The following LSAMP variants were observed in gnomAD, a reference collection of about 807,000 sequenced individuals.
LSAMP encodes the protein limbic system-associated membrane protein.
Under a neutral mutation model 38.6 loss-of-function variants are expected in LSAMP, and 7 were observed. The ratio of observed to expected loss-of-function variants is 0.18; its 90% confidence interval spans 0.10 to 0.34. LSAMP has a LOEUF of 0.34. Among genes scored for constraint, LSAMP ranks in the 10% least tolerant of loss-of-function variants. The probability of loss-of-function intolerance (pLI) is 1.00; values close to 1 mark genes in which losing one functional copy is unlikely to be tolerated. For missense variants in LSAMP, 313 were observed against 420.0 expected, an observed-to-expected ratio of 0.75 and a Z score of 2.23; for synonymous variants, 154 against 166.8, an observed-to-expected ratio of 0.92 and a Z score of 0.59.
At chr3:115,951,560 A>G (rs573347665) in intron 3 of LSAMP, among the ~76,000 whole-genome samples, 1 of 152,286 alleles carries the variant, frequency 6.6e-6, no homozygotes, top group African/African-American at 2.4e-5. Context: ...CATTTGAGTC[A>G]GTGGACTGGG....
intron 3 of LSAMP, among the ~76,000 whole-genome samples, chr3:116,012,626 G>T (rs1940362707): frequency 6.6e-6 from 1 of 152,080 alleles, no homozygotes; most frequent in South Asian, 2.1e-4. Context: ...TGTAATATAA[G>T]ATGTAAAATA....
chr3:116,222,121 G>T (rs1290002152), intron 1 of LSAMP, among the ~76,000 whole-genome samples: 1 of 151,928 alleles, frequency 6.6e-6, no homozygotes, highest in Non-Finnish European at 1.5e-5. Flanking sequence ...ACTGATCCGG[G>T]TTCTAATCCT....
At chr3:116,429,542 A>G (rs1468388989) in intron 1 of LSAMP, among the ~76,000 whole-genome samples, 1 of 152,238 alleles carries the variant, frequency 6.6e-6, no homozygotes, top group Non-Finnish European at 1.5e-5. Context: ...ACACAAACAA[A>G]GCATTCCTCA....
intron 3 of LSAMP, among the ~76,000 whole-genome samples, chr3:115,989,140 T>C (rs1487533385): frequency 6.6e-6 from 1 of 151,876 alleles, no homozygotes; most frequent in African/African-American, 2.4e-5. Flanking sequence ...AAGCAATTCA[T>C]AGAAGAGAAG....
rs913228641 is a variant in LSAMP at position 116,061,221 on chromosome 3, T to A, written c.388+25103A>T. Among the ~76,000 whole-genome samples, 4 of 152,178 alleles carry A rather than the reference T, an allele frequency of 2.6e-5. No homozygotes were observed. In the South Asian group the frequency reaches 8.3e-4, roughly 32 times the overall value. ...AGTAAATAGCTAGTCATTAGCAGAG[T>A]CAGCATTTGAATCCAGGTCTCTCTG... is the stretch of plus-strand genomic sequence containing the variant. On this transcript the variant is annotated intron_variant, in intron 2 of 6. Transcript: ENST00000490035.
chr3:116,245,840 C>T (rs765097823), intron 1 of LSAMP, among the ~76,000 whole-genome samples: 4 of 152,052 alleles, frequency 2.6e-5, no homozygotes, highest in Non-Finnish European at 4.4e-5. Context: ...ATGGGATGTA[C>T]TTCAGAAATA....
chr3:116,262,065 C>A (rs565071246), intron 1 of LSAMP, among the ~76,000 whole-genome samples: 2 of 152,034 alleles, frequency 1.3e-5, no homozygotes, highest in East Asian at 1.9e-4. Context: ...CCTAATGGAG[C>A]CCCTTCTTTA....
In LSAMP at chr3:115,839,278, C is replaced by CTTCA. The variant is rs1559844726; in HGVS notation, c.919+2566_919+2567insTGAA. ...CCTTCTTTCTTTCCTTCCTTCCTTC[C>CTTCA]TTCCTTCCTTCCTTCCTTCCTTCCT... On this transcript the variant is annotated intron_variant, in intron 6 of 6. Transcript: ENST00000490035. Among the ~76,000 whole-genome samples the CTTCA allele has an allele frequency of 3.3e-5, 4 of 121,734 alleles. No individual in the cohort carries two copies. In the South Asian group the frequency reaches 1.1e-3, roughly 32 times the overall value. The allele number at this position is 121,734 out of a possible 152,430, so 79.9% of individuals were successfully genotyped here.
chr3:116,217,446 G>A (rs894055383), intron 1 of LSAMP, among the ~76,000 whole-genome samples: 4 of 152,174 alleles, frequency 2.6e-5, no homozygotes, highest in African/African-American at 9.7e-5. Flanking sequence ...CCAGTTTCAT[G>A]GTTTGTTTAC....
At chr3:115,903,422 T>C (rs548886035) in intron 3 of LSAMP, among the ~76,000 whole-genome samples, 2 of 152,132 alleles carry the variant, frequency 1.3e-5, no homozygotes, top group African/African-American at 4.8e-5. Flanking sequence ...AAGTAATCTG[T>C]ACAACAAACC....
intron 1 of LSAMP, among the ~76,000 whole-genome samples, chr3:116,409,750 G>C (rs1024921839): frequency 1.3e-5 from 2 of 152,034 alleles, no homozygotes; most frequent in African/African-American, 4.8e-5. Flanking sequence ...ATTAAACAGT[G>C]GGACATTAAC....
At chr3:116,160,514 A>G (rs1709863582) in intron 1 of LSAMP, among the ~76,000 whole-genome samples, 1 of 151,684 alleles carries the variant, frequency 6.6e-6, no homozygotes, top group Non-Finnish European at 1.5e-5. Context: ...GGAGAGGAAA[A>G]GAGAAGAGGA....
intron 1 of LSAMP, among the ~76,000 whole-genome samples, chr3:116,090,694 G>A (rs1708103016): frequency 6.6e-6 from 1 of 152,148 alleles, no homozygotes; most frequent in African/African-American, 2.4e-5. Context: ...AAAGCTGGGT[G>A]TCCAGGGGAG....
At chr3:116,435,428 C>G (rs2049336709) in intron 1 of LSAMP, among the ~76,000 whole-genome samples, 1 of 152,074 alleles carries the variant, frequency 6.6e-6, no homozygotes, top group African/African-American at 2.4e-5. Flanking sequence ...ATGGGACTAC[C>G]TAGGGGGTGC....
intron 1 of LSAMP, among the ~76,000 whole-genome samples, chr3:116,200,599 T>A (rs1454445225): frequency 6.6e-6 from 1 of 152,166 alleles, no homozygotes; most frequent in Admixed American, 6.5e-5. Context: ...TCAAATATTC[T>A]TTGTCATAAA....
chr3:116,340,770 C>A (rs761558110), intron 1 of LSAMP, among the ~76,000 whole-genome samples: 7 of 151,944 alleles, frequency 4.6e-5, no homozygotes, highest in African/African-American at 7.2e-5. Context: ...AGAAAAAGTG[C>A]CTTTACTGCT....
intron 1 of LSAMP, among the ~76,000 whole-genome samples, chr3:116,307,284 T>C (rs2047496346): frequency 6.6e-6 from 1 of 152,008 alleles, no homozygotes; most frequent in Non-Finnish European, 1.5e-5. Context: ...CACCTCTATT[T>C]GGGTTTGTAA....
chr3:116,324,136 G>A (rs968672943), intron 1 of LSAMP, among the ~76,000 whole-genome samples: 8 of 152,082 alleles, frequency 5.3e-5, no homozygotes, highest in Admixed American at 2.0e-4. Context: ...TGTCTTGTTG[G>A]AAATTACTAT....
chr3:116,041,758 CAT>C (rs1559930885), intron 2 of LSAMP, among the ~76,000 whole-genome samples: 1 of 136,980 alleles, frequency 7.3e-6, no homozygotes, highest in African/African-American at 2.8e-5. Context: ...CAAAGTCATA[CAT>C]ATGTTTTGGG....
Sources: allele counts gnomAD v4.1 joint callset (sites outside exome capture counted in the v4.1 genomes callset), GRCh38; gene constraint gnomAD v4.1.1; transcripts MANE v1.5; gene names NCBI Gene and HGNC (gene_info 2026-07-23, HGNC 2026-07-21).